The following LY86 variants were observed in gnomAD, a reference collection of about 807,000 sequenced individuals.
LY86 encodes the protein lymphocyte antigen 86, also known as MD-1, RP105-associated.
In LY86, 20 loss-of-function variants were observed where a neutral mutation model predicts 17.3. The ratio of observed to expected loss-of-function variants is 1.15; its 90% confidence interval spans 0.81 to 1.68. LY86 has a LOEUF of 1.68. Among genes scored for constraint, LY86 ranks in the 40% most tolerant of loss-of-function variants. LY86 has a pLI of 0.00. For synonymous variants in LY86, 74 were observed against 70.6 expected, an observed-to-expected ratio of 1.05 and a Z score of -0.24; for missense variants, 200 against 191.9, an observed-to-expected ratio of 1.04 and a Z score of -0.25.
rs1762235817 is a variant in LY86, at chr6:6,654,696, T to C, written c.*69T>C. On this transcript the variant is annotated 3_prime_UTR_variant, in exon 5 of 5. Coordinates refer to ENST00000230568, the MANE Select transcript of LY86 (RefSeq NM_004271.4). ...ACCTCCAAGCTCCTCTGACTGAACC[T>C]ACTGTGGGAGGAGAAGCAGCTGATG... 7.4e-7 allele frequency: 1 copy of C among 1,342,498 alleles called. No individual in the cohort carries two copies. Among genetic ancestry groups the C allele is most frequent in the East Asian group, 2.3e-5 (1 of 43,370 alleles). 83.2% of individuals were successfully genotyped at this position (1,342,498 alleles called of 1,614,324 possible).
intron 1 of LY86, among the ~76,000 whole-genome samples, chr6:6,614,525 C>T (rs1269910563): frequency 2.0e-5 from 3 of 152,154 alleles, no homozygotes; most frequent in African/African-American, 7.2e-5. Flanking sequence ...CCCAGCCCCA[C>T]GCCGCCCACT....
At chr6:6,611,984 C>CTCA (rs1761354457) in intron 1 of LY86, among the ~76,000 whole-genome samples, 1 of 63,976 alleles carries the variant, frequency 1.6e-5, no homozygotes, top group Admixed American at 1.5e-4. Flanking sequence ...TATCTACCCC[C>CTCA]TTAACTGAGT....
intron 3 of LY86, among the ~76,000 whole-genome samples, chr6:6,632,755 C>A (rs1019866015): frequency 1.6e-4 from 25 of 152,208 alleles, no homozygotes; most frequent in African/African-American, 6.0e-4. Flanking sequence ...TTATTTTCTA[C>A]CACTGGCTTG....
At chr6:6,609,615 A>G (rs1337642599) in intron 1 of LY86, among the ~76,000 whole-genome samples, 2 of 152,158 alleles carry the variant, frequency 1.3e-5, no homozygotes, top group Non-Finnish European at 2.9e-5. Context: ...GCTAACACAG[A>G]AAAGGAGGCT....
chr6:6,654,918 C>T lies in LY86; in HGVS notation c.*291C>T. ...AATTGGTCGCCTCCCACCAGACTCA[C>T]CTGCTTTTCAACTTTTTAGGAGTGC... On this transcript the variant is annotated 3_prime_UTR_variant, in exon 5 of 5. Coordinates refer to ENST00000230568, the MANE Select transcript of LY86 (RefSeq NM_004271.4). 1 of 351,804 alleles carries T rather than the reference C, an allele frequency of 2.8e-6. No individual in the cohort carries two copies. Among genetic ancestry groups the T allele is most frequent in the Non-Finnish European group, 5.1e-6 (1 of 195,042 alleles). The allele number at this position is 351,804 out of a possible 1,614,324, so 21.8% of individuals were successfully genotyped here. A position where few individuals can be genotyped will look rare whatever the true frequency, so the allele number is the denominator to read the frequency against.
rs1417645198 is a variant in LY86, at chr6:6,588,808, A to G, written c.74A>G (p.Lys25Arg). The G allele has an allele frequency of 6.2e-7, 1 of 1,614,080 alleles. No individual in the cohort carries two copies. The part of the protein sequence containing the change: ...FPSCSGGGGG[K>R]AWPTHVVCSD... ...AGCTGCAGTGGAGGCGGCGGTGGGA[A>G]AGCCTGGCCCACACACGTGGTCTGT... is the stretch of plus-strand genomic sequence containing the variant. Residue 25 changes from lysine to arginine, a missense_variant, in exon 1 of 5, where the codon AAA (lysine) becomes AGA (arginine). Lys to Arg is a conservative substitution (Grantham distance 26). Coordinates refer to ENST00000230568, the MANE Select transcript of LY86 (RefSeq NM_004271.4).
At chr6:6,652,055 C>CAAAAA (rs61606490) in intron 4 of LY86, among the ~76,000 whole-genome samples, 2 of 59,284 alleles carry the variant, frequency 3.4e-5, no homozygotes, top group Non-Finnish European at 3.1e-5. Flanking sequence ...GACTCCATCT[C>CAAAAA]AAAAAAAAAA....
Position 6,596,638 on chromosome 6 carries a change from A to C in LY86, c.136+7768A>C, listed in dbSNP as rs535658297. 1.6e-3 allele frequency among the ~76,000 whole-genome samples: 243 copies of C among 152,292 alleles called. 1 individual carries two copies. Among genetic ancestry groups the C allele is most frequent in the African/African-American group, 5.6e-3 (231 of 41,554 alleles). ...GAGTAGGGCAAGGCCTTTTGGCCCAAATTTAAAGAGAGGAAGTTGATAAAG... is the reference window on the plus strand; with the variant it reads ...GAGTAGGGCAAGGCCTTTTGGCCCACATTTAAAGAGAGGAAGTTGATAAAG... On this transcript the variant is annotated intron_variant, in intron 1 of 4. Coordinates refer to ENST00000230568, the MANE Select transcript of LY86 (RefSeq NM_004271.4).
intron 1 of LY86, among the ~76,000 whole-genome samples, chr6:6,607,809 A>C (rs1009544617): frequency 1.3e-5 from 2 of 152,078 alleles, no homozygotes; most frequent in Non-Finnish European, 2.9e-5. Context: ...TTGAGGCAGG[A>C]GAATCGCTTG....
chr6:6,596,764 G>T (rs1328615399), intron 1 of LY86, among the ~76,000 whole-genome samples: 1 of 152,180 alleles, frequency 6.6e-6, no homozygotes, highest in Non-Finnish European at 1.5e-5. Context: ...GTGTTCCTGT[G>T]ACCACGCCAC....
intron 3 of LY86, among the ~76,000 whole-genome samples, chr6:6,643,703 C>T (rs894948355): frequency 9.9e-5 from 15 of 152,162 alleles, no homozygotes; most frequent in Non-Finnish European, 1.8e-4. Flanking sequence ...CACACAAAAA[C>T]GCACATACAT....
intron 1 of LY86, among the ~76,000 whole-genome samples, chr6:6,609,254 T>C (rs554308123): frequency 6.6e-6 from 1 of 152,264 alleles, no homozygotes; most frequent in African/African-American, 2.4e-5. Flanking sequence ...TATTGCAGAG[T>C]TGGAGCATCC....
chr6:6,649,738 T>C, intron 4 of LY86, 61 bp downstream of exon 4: 1 of 834,216 alleles, frequency 1.2e-6, no homozygotes, highest in Non-Finnish European at 1.8e-6. Flanking sequence ...AGAAGAAGGC[T>C]AGAAGGAGGG....
intron 1 of LY86, chr6:6,591,249 C>T (rs1187366944): frequency 6.5e-6 from 1 of 153,910 alleles, no homozygotes; most frequent in Admixed American, 6.5e-5. Context: ...CACCTGCCCA[C>T]AGGAGGATGG....
intron 1 of LY86, among the ~76,000 whole-genome samples, chr6:6,589,901 C>G (rs1760472306): frequency 6.6e-6 from 1 of 151,920 alleles, no homozygotes; most frequent in South Asian, 2.1e-4. Context: ...GAGGGTGAAC[C>G]ACTTGAGGTC....
In LY86 at chr6:6,654,799, A is replaced by C; in HGVS notation, c.*172A>C. ...TAGTCCCAGGACCAGACATCCCCAG[A>C]CTCCACAGATGTAATGAAGTCCCCG... is the stretch of plus-strand genomic sequence containing the variant. On this transcript the variant is annotated 3_prime_UTR_variant, in exon 5 of 5. Transcript: ENST00000230568. The C allele has an allele frequency of 1.7e-6, 1 of 602,548 alleles. No homozygotes were observed. The highest frequency in any genetic ancestry group is 2.9e-6 in the Non-Finnish European group (1 of 339,096). The allele number at this position is 602,548 out of a possible 1,614,324, so 37.3% of individuals were successfully genotyped here.
chr6:6,610,711 CTCA>C (rs1314365111), intron 1 of LY86, among the ~76,000 whole-genome samples: 1 of 152,124 alleles, frequency 6.6e-6, no homozygotes, highest in Non-Finnish European at 1.5e-5. Flanking sequence ...TGTGTGCATT[CTCA>C]TGTGTGTATT....
intron 3 of LY86, among the ~76,000 whole-genome samples, chr6:6,638,979 A>G (rs1458211091): frequency 7.2e-5 from 11 of 152,044 alleles, no homozygotes; most frequent in Non-Finnish European, 1.5e-4. Context: ...ATGCACACGT[A>G]TGTTTATTGC....
At chr6:6,592,365 G>A (rs888990202) in intron 1 of LY86, among the ~76,000 whole-genome samples, 3 of 152,148 alleles carry the variant, frequency 2.0e-5, no homozygotes, top group African/African-American at 4.8e-5. Flanking sequence ...CGAGTCCCAC[G>A]GTTACAAAAG....
Sources: gnomAD v4.1 joint callset for allele counts (sites outside exome capture counted in the v4.1 genomes callset) on GRCh38, gnomAD v4.1.1 for gene constraint, MANE v1.5 for transcripts, NCBI Gene and HGNC (gene_info 2026-07-23, HGNC 2026-07-21) for gene names.